The following MAST4 variants were observed in gnomAD, a reference collection of about 807,000 sequenced individuals.
MAST4 encodes the protein microtubule associated serine/threonine kinase family member 4.
Under a neutral mutation model 162.7 loss-of-function variants are expected in MAST4, and 89 were observed. The observed-to-expected ratio is 0.55, with a 90% CI of 0.46 to 0.65. MAST4 has a LOEUF of 0.65. Among genes scored for constraint, MAST4 ranks in the 30% least tolerant of loss-of-function variants. The pLI is 0.00. For synonymous variants in MAST4, 1,479 were observed against 1,361.1 expected (o/e 1.09, Z -1.91); for missense variants, 3,153 against 3,374.0 (o/e 0.93, Z 1.62).
chr5:66,616,531 T>G (rs1025688573), intron 1 of MAST4, among the ~76,000 whole-genome samples: 2 of 152,156 alleles, frequency 1.3e-5, no homozygotes, highest in Non-Finnish European at 2.9e-5. Flanking sequence ...CCCAAGGGCC[T>G]TCTCAGAGTG....
chr5:66,692,411 CTT>C (rs34946179), intron 1 of MAST4, among the ~76,000 whole-genome samples: 123 of 145,390 alleles, frequency 8.5e-4, no homozygotes, highest in South Asian at 1.8e-3. Flanking sequence ...CTCTTGCTCT[CTT>C]TTTTTTTTTT....
chr5:67,097,480 A>C lies in MAST4; in HGVS notation c.912+1805A>C, dbSNP rs183447164. Among the ~76,000 whole-genome samples the C allele has an allele frequency of 2.8e-4, 43 of 152,180 alleles. 1 individual carries two copies. The East Asian group carries it at 8.1e-3, about 29-fold the overall frequency. The stretch of plus-strand genomic sequence containing the variant: ...AATACGGTAAGCAGTTTTAGAACCC[A>C]GCATCTTGGCTCTTTTAAAGGAATT... On this transcript the variant is annotated intron_variant, in intron 7 of 28. Coordinates refer to ENST00000403625, the MANE Select transcript of MAST4 (RefSeq NM_001164664.2).
Position 67,166,846 on chromosome 5 carries a change from C to T in MAST4, c.7667C>T (p.Thr2556Ile), listed in dbSNP as rs1443212772. 1 of 1,605,286 alleles carries T rather than the reference C, an allele frequency of 6.2e-7. No homozygotes were observed. Among genetic ancestry groups the T allele is most frequent in the Non-Finnish European group, 8.5e-7 (1 of 1,176,406 alleles). The change falls in exon 29 of 29, where the codon ACC becomes ATC. Residue 2556 changes from threonine to isoleucine, a missense_variant. This residue lies in a region of MAST4 where 1,644 missense variants were observed against 1,495.0 expected (regional missense o/e 1.10). Coordinates refer to ENST00000403625, the MANE Select transcript of MAST4 (RefSeq NM_001164664.2). ...HRDRALSVTATVGETKGKDPA... is the reference protein window; with the variant it reads ...HRDRALSVTAIVGETKGKDPA... ...GACAGGGCTCTCTCGGTGACTGCCA[C>T]CGTAGGGGAAACCAAAGGGAAGGAC... is the stretch of plus-strand genomic sequence containing the variant.
At chr5:67,080,451 A>G (rs1186195858) in intron 5 of MAST4, among the ~76,000 whole-genome samples, 2 of 152,170 alleles carry the variant, frequency 1.3e-5, no homozygotes, top group African/African-American at 4.8e-5. Flanking sequence ...CTGAAGGTTG[A>G]CATTTGTGCA....
At chr5:66,786,252 T>C (rs1755114173) in intron 2 of MAST4, among the ~76,000 whole-genome samples, 1 of 152,146 alleles carries the variant, frequency 6.6e-6, no homozygotes, top group Non-Finnish European at 1.5e-5. Flanking sequence ...TTTTTTCTAT[T>C]TTACATTAAA....
chr5:67,082,854 AAG>A (rs1762830176), intron 5 of MAST4, among the ~76,000 whole-genome samples: 1 of 152,180 alleles, frequency 6.6e-6, no homozygotes, highest in African/African-American at 2.4e-5. Flanking sequence ...AATCTGAGTA[AAG>A]AGAGCAGAAG....
chr5:66,733,710 C>T (rs566906145), intron 1 of MAST4, among the ~76,000 whole-genome samples: 74 of 152,208 alleles, frequency 4.9e-4, no homozygotes, highest in East Asian at 2.9e-3. Context: ...CCACCCACCT[C>T]GGCCTCCCAA....
At chr5:66,985,084 C>T (rs566066390) in intron 4 of MAST4, among the ~76,000 whole-genome samples, 1 of 152,004 alleles carries the variant, frequency 6.6e-6, no homozygotes, top group Non-Finnish European at 1.5e-5. Flanking sequence ...AGGACAGATT[C>T]CTGAGACACT....
intron 1 of MAST4, among the ~76,000 whole-genome samples, chr5:66,616,690 C>A (rs1743711670): frequency 6.6e-6 from 1 of 152,200 alleles, no homozygotes. Context: ...CTGGCCGGGG[C>A]CTCTGTGTGA....
At chr5:66,708,807 T>A (rs942532498) in intron 1 of MAST4, among the ~76,000 whole-genome samples, 4 of 152,190 alleles carry the variant, frequency 2.6e-5, no homozygotes, top group Admixed American at 1.3e-4. Flanking sequence ...CCTTTGACCA[T>A]AAGTGAATTT....
intron 1 of MAST4, among the ~76,000 whole-genome samples, chr5:66,673,571 G>A (rs1392152419): frequency 7.2e-6 from 1 of 139,684 alleles, no homozygotes; most frequent in Non-Finnish European, 1.5e-5. Flanking sequence ...CTGTCACCCA[G>A]TCTGGAGTGA....
At chr5:66,927,450 A>G (rs1561452771) in intron 4 of MAST4, among the ~76,000 whole-genome samples, 1 of 152,092 alleles carries the variant, frequency 6.6e-6, no homozygotes, top group Non-Finnish European at 1.5e-5. Context: ...CTGACTTCTC[A>G]TTTTCTTGCT....
chr5:66,948,503 T>C (rs142543422), intron 4 of MAST4, among the ~76,000 whole-genome samples: 1 of 152,040 alleles, frequency 6.6e-6, no homozygotes, highest in East Asian at 1.9e-4. Flanking sequence ...CAAGCTTAGG[T>C]AGGGCACAGC....
intron 1 of MAST4, among the ~76,000 whole-genome samples, chr5:66,598,993 A>T (rs1473753429): frequency 6.6e-6 from 1 of 152,252 alleles, no homozygotes; most frequent in Non-Finnish European, 1.5e-5. Context: ...ATGGGTCACT[A>T]TTTGTGAAAT....
chr5:66,832,487 C>T lies in MAST4; in HGVS notation c.642+43693C>T, dbSNP rs145017693. 3.4e-3 allele frequency among the ~76,000 whole-genome samples: 517 copies of T among 152,014 alleles called. 5 individuals carry two copies. The highest frequency in any genetic ancestry group is 4.5e-3 in the Admixed American group (68 of 15,258). ...CAACAACAAAAAGATAACATTCTTACGCTGGCCTAGGCTCTGATTTTCCGC... is the reference window on the plus strand; with the variant it reads ...CAACAACAAAAAGATAACATTCTTATGCTGGCCTAGGCTCTGATTTTCCGC... On this transcript the variant is annotated intron_variant, in intron 3 of 28. Coordinates refer to ENST00000403625, the MANE Select transcript of MAST4 (RefSeq NM_001164664.2).
chr5:66,859,705 G>A (rs2149835204), intron 3 of MAST4, among the ~76,000 whole-genome samples: 1 of 152,344 alleles, frequency 6.6e-6, no homozygotes, highest in Middle Eastern at 3.4e-3. Context: ...AATATCACAT[G>A]AGATGAGTGA....
chr5:66,835,423 T>G (rs923020826), intron 3 of MAST4, among the ~76,000 whole-genome samples: 3 of 152,214 alleles, frequency 2.0e-5, no homozygotes, highest in Non-Finnish European at 1.5e-5. Context: ...ATTGTTAATC[T>G]TATGGTCCCT....
intron 1 of MAST4, among the ~76,000 whole-genome samples, chr5:66,732,184 C>G (rs963486075): frequency 1.3e-5 from 2 of 152,076 alleles, no homozygotes; most frequent in African/African-American, 4.8e-5. Context: ...TTCCTATTGA[C>G]TTTCAGTTAC....
chr5:67,086,473 A>G (rs1763246346), intron 5 of MAST4, among the ~76,000 whole-genome samples: 1 of 152,182 alleles, frequency 6.6e-6, no homozygotes, highest in African/African-American at 2.4e-5. Context: ...TTTTTCCTAC[A>G]CTGTTTATGT....
Sources: allele counts gnomAD v4.1 joint callset (sites outside exome capture counted in the v4.1 genomes callset), GRCh38; gene constraint gnomAD v4.1.1; regional missense constraint gnomAD v4.1.1; transcripts MANE v1.5; gene names NCBI Gene and HGNC (gene_info 2026-07-23, HGNC 2026-07-21).